The following NAP1L1 variants were observed in gnomAD, a reference collection of about 807,000 sequenced individuals.
NAP1L1 encodes the protein nucleosome assembly protein 1-like 1.
NAP1L1 carries 9 observed loss-of-function variants against 58.9 expected under a neutral mutation model. The ratio of observed to expected loss-of-function variants is 0.15; its 90% CI spans 0.09 to 0.27. The LOEUF (loss-of-function observed/expected upper bound fraction) is 0.27, where lower values mean the gene tolerates loss of function less well. Among genes scored for constraint, NAP1L1 ranks in the 10% least tolerant of loss-of-function variants. The pLI, the probability that NAP1L1 is intolerant of heterozygous loss-of-function variation, is 1.00. For synonymous variants in NAP1L1, 130 were observed against 138.3 expected (o/e 0.94, Z 0.42); for missense variants, 302 against 458.8 (o/e 0.66, Z 3.12).
intron 1 of NAP1L1, among the ~76,000 whole-genome samples, chr12:76,083,473 C>CGA (rs1555188255): frequency 1.1e-5 from 1 of 87,214 alleles, no homozygotes; most frequent in Non-Finnish European, 2.1e-5. Flanking sequence ...CTTTTTTTTC[C>CGA]AAAAAAAAAA....
intron 11 of NAP1L1, among the ~76,000 whole-genome samples, chr12:76,051,589 G>T (rs1158797362): frequency 6.6e-6 from 1 of 152,156 alleles, no homozygotes; most frequent in Non-Finnish European, 1.5e-5. Context: ...ATGTTGCCCA[G>T]GCTGGCCTCA....
chr12:76,067,911 T>TTA (rs1402934046), intron 3 of NAP1L1, among the ~76,000 whole-genome samples: 3 of 152,208 alleles, frequency 2.0e-5, no homozygotes, highest in Admixed American at 6.5e-5. Flanking sequence ...ATCTGAATGT[T>TTA]TATGTTTGAT....
chr12:76,073,734 C>T lies in NAP1L1; in HGVS notation c.17+469G>A, dbSNP rs139661312. 9.7e-3 allele frequency: 1,489 copies of T among 153,032 alleles called. 21 individuals are homozygous for T. Among genetic ancestry groups the T allele is most frequent in the African/African-American group, 0.033 (1,377 of 41,584 alleles). 9.5% of individuals were successfully genotyped at this position (153,032 alleles called of 1,614,324 possible). ...TTAGCAAAAGCCAGGATAGCACTTA[C>T]ATGTCTGCAAGGGAAAGGTGCAATT... On this transcript the variant is annotated intron_variant, in intron 2 of 14. Coordinates refer to ENST00000618691, the MANE Select transcript of NAP1L1 (RefSeq NM_004537.7).
rs1400512885 is a variant in NAP1L1 at position 76,040,329 on chromosome 12, AACAACTAAGTTG to A, written c.*8088_*8099del. 3 of 152,106 alleles carry A rather than the reference AACAACTAAGTTG, an allele frequency of 2.0e-5. No individual in the cohort carries two copies. Among genetic ancestry groups the A allele is most frequent in the Admixed American group, 6.6e-5 (1 of 15,252 alleles). The allele number at this position is 152,106 out of a possible 1,614,324, so 9.4% of individuals were successfully genotyped here. A position where few individuals can be genotyped will look rare whatever the true frequency, so the allele number is the denominator to read the frequency against. On this transcript the variant is annotated 3_prime_UTR_variant, in exon 15 of 15. Coordinates refer to ENST00000618691, the MANE Select transcript of NAP1L1 (RefSeq NM_004537.7). ...GATATGCCTTCCCTTGACTTTAAAA[AACAACTAAGTTG>A]ACTCTTGAATATCAAATTTGAACTA...
intron 4 of NAP1L1, among the ~76,000 whole-genome samples, chr12:76,066,170 A>T (rs1949663734): frequency 6.6e-6 from 1 of 151,416 alleles, no homozygotes; most frequent in Non-Finnish European, 1.5e-5. Flanking sequence ...GGCTCAAAAA[A>T]TGAGGCAGAA....
chr12:76,051,162 CAAA>C (rs1287248455), intron 11 of NAP1L1, among the ~76,000 whole-genome samples: 3 of 151,692 alleles, frequency 2.0e-5, no homozygotes, highest in Admixed American at 6.6e-5. Context: ...AAGTTTTTAA[CAAA>C]AAGAAAATAA....
chr12:76,049,283 A>T, intron 13 of NAP1L1, 33 bp from the exon 14 acceptor site: 1 of 1,613,062 alleles, frequency 6.2e-7, no homozygotes, highest in Non-Finnish European at 8.5e-7. Flanking sequence ...TCCATGAAGT[A>T]TGTACATAGT....
chr12:76,048,590 G>A, intron 14 of NAP1L1, 126 bp from the exon 15 acceptor site: 1 of 874,222 alleles, frequency 1.1e-6, no homozygotes, highest in Non-Finnish European at 1.8e-6. Context: ...ATAGGACAAT[G>A]GTGGTAAATT....
At chr12:76,062,049 C>T (rs1182433607) in intron 4 of NAP1L1, among the ~76,000 whole-genome samples, 2 of 152,140 alleles carry the variant, frequency 1.3e-5, no homozygotes, top group South Asian at 4.1e-4. Context: ...GGTAGCAGTG[C>T]GGACAAACTG....
chr12:76,072,294 G>A (rs1160002047), intron 2 of NAP1L1, among the ~76,000 whole-genome samples: 1 of 146,868 alleles, frequency 6.8e-6, no homozygotes, highest in Non-Finnish European at 1.5e-5. Flanking sequence ...AGAAGAGGAT[G>A]CTATTTAAAA....
At chr12:76,055,752 T>C (rs1344814286) in intron 7 of NAP1L1, among the ~76,000 whole-genome samples, 1 of 152,214 alleles carries the variant, frequency 6.6e-6, no homozygotes. Context: ...CATACTTCCA[T>C]ACTAAGTATG....
chr12:76,045,056 A>G lies in NAP1L1; in HGVS notation c.*3373T>C, dbSNP rs889050554. ...GTGCTTTAAGTAGCAAATTACCTAAATTATGAACACATATTTCCAAAAACA... is the reference window on the plus strand; with the variant it reads ...GTGCTTTAAGTAGCAAATTACCTAAGTTATGAACACATATTTCCAAAAACA... On this transcript the variant is annotated 3_prime_UTR_variant, in exon 15 of 15. Transcript: ENST00000618691. 7 of 152,144 alleles carry G rather than the reference A, an allele frequency of 4.6e-5. No homozygotes were observed. Among genetic ancestry groups the G allele is most frequent in the African/African-American group, 1.7e-4 (7 of 41,456 alleles). The allele number at this position is 152,144 out of a possible 1,614,324, so 9.4% of individuals were successfully genotyped here.
At chr12:76,057,520 A>G (rs1949170321) in intron 6 of NAP1L1, 3 of 724,830 alleles carry the variant, frequency 4.1e-6, no homozygotes, top group Admixed American at 4.0e-5. Flanking sequence ...GGCCTGTGCA[A>G]CTGCCTGGGT....
In NAP1L1 at chr12:76,059,704, A is replaced by G. The variant is rs1195018949; in HGVS notation, c.429+94T>C. On this transcript the variant is annotated intron_variant, in intron 6 of 14. Coordinates refer to ENST00000618691, the MANE Select transcript of NAP1L1 (RefSeq NM_004537.7). ...AAAATGAAAAAATACAACTGGTTAT[A>G]TAATATTGTACTCCATCATTAAATG... 4.8e-6 allele frequency: 4 copies of G among 829,906 alleles called. No homozygotes were observed. In the East Asian group the frequency reaches 1.0e-4, roughly 22 times the overall value. The allele number at this position is 829,906 out of a possible 1,614,324, so 51.4% of individuals were successfully genotyped here.
intron 4 of NAP1L1, among the ~76,000 whole-genome samples, chr12:76,062,826 T>G (rs1169906401): frequency 6.6e-6 from 1 of 152,136 alleles, no homozygotes; most frequent in Non-Finnish European, 1.5e-5. Context: ...TAAAGCAATA[T>G]AAAAATCCTT....
chr12:76,071,973 AT>A lies in NAP1L1; in HGVS notation c.17+2229del, dbSNP rs1160989398. Reference sequence around the variant, plus strand: ...CTGACTAGCCCAGAAAAAAAAAAAAATGACCATTCTAACACTGGGGTTTCTA... The same window carrying A: ...CTGACTAGCCCAGAAAAAAAAAAAAAGACCATTCTAACACTGGGGTTTCTA... On this transcript the variant is annotated intron_variant, in intron 2 of 14. Coordinates refer to ENST00000618691, the MANE Select transcript of NAP1L1 (RefSeq NM_004537.7). Among the ~76,000 whole-genome samples, 38 of 139,618 alleles carry A rather than the reference AT, an allele frequency of 2.7e-4. No homozygotes were observed. In the East Asian group the frequency reaches 6.2e-3, roughly 23 times the overall value. 91.6% of individuals were successfully genotyped at this position (139,618 alleles called of 152,430 possible).
chr12:76,063,824 T>A (rs113271872), intron 4 of NAP1L1, among the ~76,000 whole-genome samples: 3,608 of 141,688 alleles, frequency 0.025, 156 homozygotes, highest in African/African-American at 0.092. Context: ...ACACTGATAC[T>A]AGAGGAAGAC....
intron 6 of NAP1L1, chr12:76,057,397 A>G (rs1949160496): frequency 2.2e-6 from 1 of 453,710 alleles, no homozygotes; most frequent in Non-Finnish European, 4.0e-6. Flanking sequence ...ACAAAAAGGA[A>G]AAATATTTCC....
At chr12:76,051,585 C>T (rs1269805401) in intron 11 of NAP1L1, among the ~76,000 whole-genome samples, 2 of 152,146 alleles carry the variant, frequency 1.3e-5, no homozygotes, top group Non-Finnish European at 1.5e-5. Context: ...CGCTATGTTG[C>T]CCAGGCTGGC....
Sources: allele counts gnomAD v4.1 joint callset (sites outside exome capture counted in the v4.1 genomes callset), GRCh38; gene constraint gnomAD v4.1.1; transcripts MANE v1.5; gene names NCBI Gene and HGNC (gene_info 2026-07-23, HGNC 2026-07-21).